ADD3: variants seen among roughly 807,000 people sequenced by gnomAD.
ADD3 encodes gamma-adducin.
Under a neutral mutation model 80.2 loss-of-function variants are expected in ADD3, and 25 were observed. That is an observed-to-expected ratio of 0.31 (90% CI 0.23 to 0.44). ADD3 has a LOEUF of 0.44. Among genes scored for constraint, ADD3 ranks in the 20% least tolerant of loss-of-function variants. The pLI is 1.00. For synonymous variants in ADD3, 284 were observed against 289.6 expected (o/e 0.98, Z 0.20); for missense variants, 829 against 847.5 (o/e 0.98, Z 0.27).
At chr10:110,053,211 A>T (rs1189407613) in intron 1 of ADD3, among the ~76,000 whole-genome samples, 1 of 152,104 alleles carries the variant, frequency 6.6e-6, no homozygotes, top group South Asian at 2.1e-4. Context: ...ATTTAGTTCA[A>T]TAGTAATAAA....
intron 1 of ADD3, chr10:110,016,747 T>C (rs567748345): frequency 6.6e-6 from 1 of 152,310 alleles, no homozygotes; most frequent in South Asian, 2.1e-4. Context: ...TGTTGTTGTT[T>C]TGGTGTATGG....
At chr10:110,129,566 G>A (rs1239255771) in intron 12 of ADD3, among the ~76,000 whole-genome samples, 3 of 152,166 alleles carry the variant, frequency 2.0e-5, no homozygotes, top group Non-Finnish European at 2.9e-5. Context: ...CTTTGAACAT[G>A]TTCCTCTATT....
At chr10:110,032,589 A>G (rs1024420065) in intron 1 of ADD3, among the ~76,000 whole-genome samples, 2 of 152,234 alleles carry the variant, frequency 1.3e-5, no homozygotes, top group South Asian at 2.1e-4. Context: ...GTAAAATACT[A>G]TTTCAGGAAA....
chr10:110,000,993 A>G (rs180963775), upstream of ADD3, among the ~76,000 whole-genome samples: 236 of 152,352 alleles, frequency 1.5e-3, no homozygotes, highest in Admixed American at 2.5e-3. Flanking sequence ...CTGGAAACTC[A>G]TTTTTGAACA....
chr10:110,083,499 G>C (rs1169019142), intron 1 of ADD3, among the ~76,000 whole-genome samples: 1 of 151,260 alleles, frequency 6.6e-6, no homozygotes, highest in African/African-American at 2.4e-5. Flanking sequence ...CTGGGTGACA[G>C]AGCAAGACTC....
At chr10:110,052,733 T>C (rs1857663569) in intron 1 of ADD3, among the ~76,000 whole-genome samples, 1 of 152,210 alleles carries the variant, frequency 6.6e-6, no homozygotes, top group South Asian at 2.1e-4. Context: ...TGTAAATAAG[T>C]GAATAGTTTT....
chr10:110,066,100 C>G (rs1333434792), intron 1 of ADD3, among the ~76,000 whole-genome samples: 1 of 152,070 alleles, frequency 6.6e-6, no homozygotes, highest in Non-Finnish European at 1.5e-5. Flanking sequence ...TCATGTTTCT[C>G]TCTTGACTTG....
intron 2 of ADD3, among the ~76,000 whole-genome samples, chr10:110,111,599 A>G (rs369484249): frequency 1.3e-5 from 2 of 152,134 alleles, no homozygotes; most frequent in Admixed American, 6.5e-5. Context: ...ATAGGAACAT[A>G]TGGAACCCAA....
At position 110,061,417 on chromosome 10, in the gene ADD3, A is replaced by G. The variant is rs1046679585; in HGVS notation, c.-29-39208A>G. 7.9e-4 allele frequency among the ~76,000 whole-genome samples: 120 copies of G among 152,324 alleles called. 1 individual carries two copies. The highest frequency in any genetic ancestry group is 2.8e-3 in the African/African-American group (116 of 41,582). On this transcript the variant is annotated intron_variant, in intron 1 of 14. Coordinates refer to ENST00000356080, the MANE Select transcript of ADD3 (RefSeq NM_016824.5). ...CTTAATGCTAATTGATGTTGAAAGT[A>G]TAAATGAGACAGGATTGACTGGAGT...
intron 1 of ADD3, among the ~76,000 whole-genome samples, chr10:110,037,807 C>G (rs1855839597): frequency 2.6e-5 from 4 of 151,924 alleles, no homozygotes; most frequent in African/African-American, 9.7e-5. Context: ...TGGCTCAAGC[C>G]TGTAATCCCA....
chr10:110,085,854 C>T (rs919052496), intron 1 of ADD3, among the ~76,000 whole-genome samples: 2 of 152,138 alleles, frequency 1.3e-5, no homozygotes, highest in Non-Finnish European at 2.9e-5. Context: ...GCCTGTAATC[C>T]CAGCACTTTG....
At chr10:110,104,685 T>A (rs1304977338) in intron 2 of ADD3, among the ~76,000 whole-genome samples, 1 of 152,184 alleles carries the variant, frequency 6.6e-6, no homozygotes, top group Admixed American at 6.5e-5. Context: ...AGGAGAGAAA[T>A]TAATAAAAGC....
At chr10:110,128,564 T>C (rs1299118734) in intron 12 of ADD3, among the ~76,000 whole-genome samples, 1 of 151,900 alleles carries the variant, frequency 6.6e-6, no homozygotes, top group Non-Finnish European at 1.5e-5. Flanking sequence ...TACAGGCGCC[T>C]GTCACCGTGC....
At chr10:110,061,184 T>C (rs1336675542) in intron 1 of ADD3, among the ~76,000 whole-genome samples, 1 of 152,202 alleles carries the variant, frequency 6.6e-6, no homozygotes, top group Non-Finnish European at 1.5e-5. Flanking sequence ...GGAGCCATGG[T>C]GTTCCAGATG....
At chr10:110,098,471 G>T (rs188522398) in intron 1 of ADD3, among the ~76,000 whole-genome samples, 3 of 152,284 alleles carry the variant, frequency 2.0e-5, no homozygotes, top group South Asian at 2.1e-4. Flanking sequence ...TCTTTCTGCA[G>T]TGCTGACATT....
chr10:110,124,287 T>G lies in ADD3; in HGVS notation c.1401+13T>G. The G allele has an allele frequency of 1.2e-6, 2 of 1,609,512 alleles. No homozygotes were observed. Among genetic ancestry groups the G allele is most frequent in the Non-Finnish European group, 1.7e-6 (2 of 1,176,144 alleles). ...AACCAAAATCACGGTATGCCAGTAT[T>G]TTATGTAGTTTGCCTTTACTAAATA... On this transcript the variant is annotated intron_variant, in intron 10 of 14. Transcript: ENST00000356080.
chr10:110,113,787 G>A (rs1850346951), intron 3 of ADD3, among the ~76,000 whole-genome samples: 1 of 152,178 alleles, frequency 6.6e-6, no homozygotes, highest in African/African-American at 2.4e-5. Flanking sequence ...TTGGGGATCT[G>A]GTTTGGCTTG....
At position 110,132,374 on chromosome 10, in the gene ADD3, C is replaced by T. The variant is rs139595633; in HGVS notation, c.1802C>T (p.Pro601Leu). The change falls in exon 14 of 15, where the codon CCG becomes CTG. Residue 601 changes from proline (P) to leucine (L), a missense_variant. By Grantham distance (98) the Pro-to-Leu change is moderately conservative. Coordinates refer to ENST00000356080, the MANE Select transcript of ADD3 (RefSeq NM_016824.5). ...VSQIQSQTQSPQNVPEKLEEN... is the reference protein window; with the variant it reads ...VSQIQSQTQSLQNVPEKLEEN... ...CAAATTCAGTCTCAAACTCAGTCACCGCAAAATGTCCCTGAAAAATTAGAA... is the reference window on the plus strand; with the variant it reads ...CAAATTCAGTCTCAAACTCAGTCACTGCAAAATGTCCCTGAAAAATTAGAA... The T allele has an allele frequency of 3.0e-5, 49 of 1,613,086 alleles. No homozygotes were observed. The highest frequency in any genetic ancestry group is 2.0e-4 in the African/African-American group (15 of 74,864).
upstream of ADD3, among the ~76,000 whole-genome samples, chr10:110,002,423 G>GC (rs1467799103): frequency 6.6e-6 from 1 of 151,688 alleles, no homozygotes; most frequent in East Asian, 2.0e-4. Context: ...ACAGGCTCCC[G>GC]CCCCCCACAC....
Sources: allele counts gnomAD v4.1 joint callset (sites outside exome capture counted in the v4.1 genomes callset), GRCh38; gene constraint gnomAD v4.1.1; transcripts MANE v1.5; gene names NCBI Gene and HGNC (gene_info 2026-07-23, HGNC 2026-07-21).